RRM2: variants seen among roughly 807,000 people sequenced by gnomAD.
RRM2 encodes the protein ribonucleoside-diphosphate reductase subunit M2.
Under a neutral mutation model 45.9 loss-of-function variants are expected in RRM2, and 6 were observed. The observed-to-expected ratio is 0.13, with a 90% CI of 0.07 to 0.26. RRM2 has a LOEUF of 0.26. Ranked by LOEUF, RRM2 falls within the 10% of genes least tolerant of loss-of-function variation. RRM2 has a pLI of 1.00. For missense variants in RRM2, 343 were observed against 489.5 expected (o/e 0.70, Z 2.82); for synonymous variants, 177 against 173.0 (o/e 1.02, Z -0.18).
chr2:10,193,985 T>C (rs1572529923), intron 3 of RRM2, among the ~76,000 whole-genome samples: 1 of 152,262 alleles, frequency 6.6e-6, no homozygotes, highest in Non-Finnish European at 1.5e-5. Flanking sequence ...TTAACATAAA[T>C]CCTGTGAACC....
intron 3 of RRM2, among the ~76,000 whole-genome samples, chr2:10,175,343 C>T (rs1663893838): frequency 6.6e-6 from 1 of 152,218 alleles, no homozygotes; most frequent in African/African-American, 2.4e-5. Context: ...TTGTGTCTGG[C>T]TGTTTTTTCC....
intron 3 of RRM2, among the ~76,000 whole-genome samples, chr2:10,174,429 A>C (rs936276071): frequency 6.6e-6 from 1 of 152,130 alleles, no homozygotes; most frequent in African/African-American, 2.4e-5. Context: ...CGGGTAGGTG[A>C]AGCTCTCCCA....
chr2:10,163,761 C>G (rs1178947804), intron 3 of RRM2, among the ~76,000 whole-genome samples: 1 of 152,246 alleles, frequency 6.6e-6, no homozygotes, highest in East Asian at 1.9e-4. Context: ...GGTTTTCTGC[C>G]TGGACAACAG....
chr2:10,193,669 T>C (rs981769855), intron 3 of RRM2, among the ~76,000 whole-genome samples: 1 of 152,198 alleles, frequency 6.6e-6, no homozygotes, highest in Non-Finnish European at 1.5e-5. Flanking sequence ...CTGTCAGTCA[T>C]GAACGTAACA....
chr2:10,141,708 A>G, intron 1 of RRM2: 1 of 1,180,378 alleles, frequency 8.5e-7, no homozygotes, highest in Admixed American at 2.7e-5. Flanking sequence ...GTTCTTGGGA[A>G]GGAAAGAGCA....
intron 3 of RRM2, among the ~76,000 whole-genome samples, chr2:10,158,172 A>G (rs573033050): frequency 2.7e-4 from 41 of 152,294 alleles, no homozygotes; most frequent in African/African-American, 9.4e-4. Context: ...AGGCTCAGAG[A>G]ATCCAGGTCA....
chr2:10,147,764 T>G (rs1193532636), intron 3 of RRM2, among the ~76,000 whole-genome samples: 1 of 152,204 alleles, frequency 6.6e-6, no homozygotes, highest in Non-Finnish European at 1.5e-5. Context: ...AGATTATATT[T>G]CTTAGTGTTT....
At chr2:10,193,769 C>T (rs758175045) in intron 3 of RRM2, among the ~76,000 whole-genome samples, 2 of 152,150 alleles carry the variant, frequency 1.3e-5, no homozygotes, top group African/African-American at 4.8e-5. Context: ...CCAGCAGAGC[C>T]GCAGCAGCCA....
chr2:10,170,651 G>A (rs1010429653), intron 3 of RRM2, among the ~76,000 whole-genome samples: 4 of 152,032 alleles, frequency 2.6e-5, no homozygotes, highest in Non-Finnish European at 5.9e-5. Context: ...TGGGTCATGG[G>A]TCATTTACGG....
intron 3 of RRM2, among the ~76,000 whole-genome samples, chr2:10,174,155 G>A (rs1257835634): frequency 1.3e-5 from 2 of 152,190 alleles, no homozygotes; most frequent in Admixed American, 1.3e-4. Context: ...GGAGGAGGCG[G>A]CTGCCTCCCA....
chr2:10,198,476 C>T (rs1664461607), intron 3 of RRM2: 1 of 151,912 alleles, frequency 6.6e-6, no homozygotes, highest in African/African-American at 2.4e-5. Context: ...GCTCTTGGCT[C>T]ACTGCAGCCT....
At chr2:10,153,884 G>T (rs1278606214) in intron 3 of RRM2, among the ~76,000 whole-genome samples, 1 of 152,214 alleles carries the variant, frequency 6.6e-6, no homozygotes, top group Non-Finnish European at 1.5e-5. Context: ...GGACTGGGGA[G>T]GGGAGAAGGG....
intron 3 of RRM2, among the ~76,000 whole-genome samples, chr2:10,161,491 A>G (rs13389178): frequency 6.6e-6 from 1 of 152,114 alleles, no homozygotes; most frequent in Non-Finnish European, 1.5e-5. Flanking sequence ...TCACGTGGCA[A>G]CCTGGACCAG....
intron 3 of RRM2, chr2:10,156,061 T>C (rs1409235309): frequency 6.6e-6 from 1 of 152,256 alleles, no homozygotes; most frequent in Non-Finnish European, 1.5e-5. Context: ...AGAACCCTGC[T>C]GGCACCCCAG....
chr2:10,139,131 T>C (rs918817074), upstream of RRM2, among the ~76,000 whole-genome samples: 2 of 152,008 alleles, frequency 1.3e-5, no homozygotes, highest in Non-Finnish European at 2.9e-5. Context: ...TGTGGTTCAG[T>C]GGTCTAGTAT....
At chr2:10,128,173 G>GT (rs2125307742) in intron 7 of RRM2, among the ~76,000 whole-genome samples, 1 of 152,230 alleles carries the variant, frequency 6.6e-6, no homozygotes, top group Admixed American at 6.5e-5. Flanking sequence ...AATGTTCATA[G>GT]TAGCCATTAT....
intron 3 of RRM2, among the ~76,000 whole-genome samples, chr2:10,150,404 G>A (rs867551580): frequency 1.2e-4 from 18 of 146,828 alleles, no homozygotes; most frequent in Middle Eastern, 3.6e-3. Flanking sequence ...CCGAGATCAC[G>A]CCACTGCACT....
Position 10,166,839 on chromosome 2 carries a change from A to T in RRM2, n.482+24464A>T, listed in dbSNP as rs574168667. ...ACTCCACAAGCATGAGCGTGTCTAGATGGTGATGGTTTGCTCATGGTCTCT... is the reference window on the plus strand; with the variant it reads ...ACTCCACAAGCATGAGCGTGTCTAGTTGGTGATGGTTTGCTCATGGTCTCT... On this transcript the variant is annotated intron_variant and non_coding_transcript_variant, in intron 3 of 3. Coordinates refer to the RRM2 transcript ENST00000381786. Among the ~76,000 whole-genome samples the T allele has an allele frequency of 2.0e-5, 3 of 152,290 alleles. No individual in the cohort carries two copies. The East Asian group carries it at 5.8e-4, about 29-fold the overall frequency.
chr2:10,170,831 G>A (rs16855939), intron 3 of RRM2, among the ~76,000 whole-genome samples: 8,032 of 152,240 alleles, frequency 0.053, 200 homozygotes, highest in Middle Eastern at 0.088. Flanking sequence ...AGCCCTTTGA[G>A]AGCACAGCGG....
Sources: allele counts gnomAD v4.1 joint callset (sites outside exome capture counted in the v4.1 genomes callset), GRCh38; gene constraint gnomAD v4.1.1; transcripts MANE v1.5; gene names NCBI Gene and HGNC (gene_info 2026-07-23, HGNC 2026-07-21).